Variants in GRHPR observed in about 807,000 individuals in gnomAD.
GRHPR encodes glyoxylate and hydroxypyruvate reductase, also known as glyoxylate reductase/hydroxypyruvate reductase.
In GRHPR, 35 loss-of-function variants were observed where a neutral mutation model predicts 36.8. That is an observed-to-expected ratio of 0.95 (90% CI 0.73 to 1.26). GRHPR has a LOEUF of 1.26. Among genes scored for constraint, GRHPR ranks in the 50% most tolerant of loss-of-function variants. The pLI, the probability that GRHPR is intolerant of heterozygous loss-of-function variation, is 0.00. For missense variants in GRHPR, 380 were observed against 435.0 expected, an observed-to-expected ratio of 0.87 and a Z score of 1.12; for synonymous variants, 179 against 181.0, an observed-to-expected ratio of 0.99 and a Z score of 0.09.
intron 5 of GRHPR, chr9:37,429,086 A>G (rs1201107045): frequency 1.0e-5 from 3 of 300,258 alleles, no homozygotes; most frequent in East Asian, 8.4e-5. Flanking sequence ...GCAGCTATCT[A>G]TTGGTGGTTC....
At chr9:37,429,644 G>A (rs1366431114) in intron 5 of GRHPR, 88 bp from the exon 6 acceptor site, 2 of 881,438 alleles carry the variant, frequency 2.3e-6, no homozygotes, top group Admixed American at 3.4e-5. Context: ...AAAAGGGTCT[G>A]CCCTGAGGGC....
chr9:37,425,077 T>G, intron 2 of GRHPR, 102 bp downstream of exon 2: 1 of 1,238,468 alleles, frequency 8.1e-7, no homozygotes, highest in Non-Finnish European at 1.2e-6. Context: ...GTCTGGGTTC[T>G]GAGGGCGTTT....
In GRHPR at chr9:37,432,361, T is replaced by C. The variant is rs550901389; in HGVS notation, c.865+223T>C. On this transcript the variant is annotated intron_variant, in intron 8 of 8. Transcript: ENST00000318158. Reference sequence around the variant, plus strand: ...GGTCTCTGTCCCTAAAGGAACAGAATGTAGGTGTGAGTGGATTTGTTTAAA... The same window carrying C: ...GGTCTCTGTCCCTAAAGGAACAGAACGTAGGTGTGAGTGGATTTGTTTAAA... 1.2e-5 allele frequency: 6 copies of C among 517,148 alleles called. No homozygotes were observed. The East Asian group carries it at 2.3e-4, about 20-fold the overall frequency. The allele number at this position is 517,148 out of a possible 1,614,324, so 32.0% of individuals were successfully genotyped here.
rs750047290 is a variant in GRHPR, at chr9:37,436,715, T to C, written c.920T>C (p.Leu307Ser). The stretch of plus-strand genomic sequence containing the variant: ...CACAGAACCCGCAACACCATGTCCT[T>C]GTTGGCAGCTAACAACTTGCTGGCT... ...ATHRTRNTMS[L>S]LAANNLLAGL... is the part of the protein sequence containing the mutation. Residue 307 changes from leucine (L) to serine (S), a missense_variant, in exon 9 of 9, where the codon TTG (leucine) becomes TCG (serine). Coordinates refer to ENST00000318158, the MANE Select transcript of GRHPR (RefSeq NM_012203.2). The C allele has an allele frequency of 6.2e-7, 1 of 1,613,962 alleles. No individual in the cohort carries two copies. The highest frequency in any genetic ancestry group is 1.7e-5 in the Admixed American group (1 of 60,000).
intron 7 of GRHPR, 129 bp from the exon 8 acceptor site, chr9:37,431,879 C>G: frequency 2.2e-6 from 2 of 929,648 alleles, no homozygotes; most frequent in Non-Finnish European, 3.5e-6. Flanking sequence ...TGTAAGTATA[C>G]CTAAGACTTA....
upstream of GRHPR, chr9:37,422,632 C>G (rs1778299275): frequency 4.9e-6 from 4 of 814,818 alleles, no homozygotes; most frequent in Non-Finnish European, 6.2e-6. Flanking sequence ...AGCCACACCC[C>G]CTGCGCACGC....
chr9:37,429,174 G>A, intron 5 of GRHPR: 1 of 257,598 alleles, frequency 3.9e-6, no homozygotes, highest in East Asian at 9.5e-5. Flanking sequence ...GAACAGCCCT[G>A]CCTCTCACTA....
At chr9:37,433,153 G>A (rs1183737414) in intron 8 of GRHPR, among the ~76,000 whole-genome samples, 2 of 152,030 alleles carry the variant, frequency 1.3e-5, no homozygotes, top group East Asian at 1.9e-4. Context: ...CCGTGCCACC[G>A]AAGTCTGAGT....
chr9:37,429,680 G>GACACCA, intron 5 of GRHPR, 52 bp from the exon 6 acceptor site: 1 of 1,170,762 alleles, frequency 8.5e-7, no homozygotes, highest in Non-Finnish European at 1.3e-6. Flanking sequence ...GCTGGGTGGT[G>GACACCA]TCCCTACCCT....
At chr9:37,426,139 G>A in intron 3 of GRHPR, 145 bp downstream of exon 3, 1 of 689,088 alleles carries the variant, frequency 1.5e-6, no homozygotes, top group South Asian at 1.6e-5. Context: ...GTCCACATGT[G>A]CACAGGTCAG....
At position 37,436,903 on chromosome 9, in the gene GRHPR, T is replaced by C. The variant is rs1301608218; in HGVS notation, c.*121T>C. ...AAGGTGTGATTCTCTGAGGAAAGAG[T>C]GATTCTGATATATGTACTTGTCACA... On this transcript the variant is annotated 3_prime_UTR_variant, in exon 9 of 9. Transcript: ENST00000318158. The C allele has an allele frequency of 1.8e-6, 2 of 1,084,950 alleles. No individual in the cohort carries two copies. The highest frequency in any genetic ancestry group is 2.5e-5 in the South Asian group (2 of 78,912). The allele number at this position is 1,084,950 out of a possible 1,614,324, so 67.2% of individuals were successfully genotyped here. A position where few individuals can be genotyped will look rare whatever the true frequency, so the allele number is the denominator to read the frequency against.
chr9:37,422,708 C>G lies in GRHPR; in HGVS notation c.-43C>G. On this transcript the variant is annotated 5_prime_UTR_variant, in exon 1 of 9. Coordinates refer to ENST00000318158, the MANE Select transcript of GRHPR (RefSeq NM_012203.2). ...CCCCGGCCCAGCTACATTCCCGGGC[C>G]AGCTTCTGTACTGCCAGGTCCGGGT... The G allele has an allele frequency of 1.4e-6, 2 of 1,453,138 alleles. No individual in the cohort carries two copies. Among genetic ancestry groups the G allele is most frequent in the Non-Finnish European group, 1.9e-6 (2 of 1,057,192 alleles). The allele number at this position is 1,453,138 out of a possible 1,614,324, so 90.0% of individuals were successfully genotyped here. A position where few individuals can be genotyped will look rare whatever the true frequency, so the allele number is the denominator to read the frequency against.
At position 37,436,887 on chromosome 9, in the gene GRHPR, TTC is replaced by T; in HGVS notation, c.*109_*110del. On this transcript the variant is annotated 3_prime_UTR_variant, in exon 9 of 9. Coordinates refer to ENST00000318158, the MANE Select transcript of GRHPR (RefSeq NM_012203.2). Reference sequence around the variant, plus strand: ...CAGGCAGAGCCAAGGGAAGGTGTGATTCTCTGAGGAAAGAGTGATTCTGATAT... The same window carrying T: ...CAGGCAGAGCCAAGGGAAGGTGTGATTCTGAGGAAAGAGTGATTCTGATAT... The T allele has an allele frequency of 2.4e-6, 3 of 1,256,188 alleles. No homozygotes were observed. Among genetic ancestry groups the T allele is most frequent in the Non-Finnish European group, 3.5e-6 (3 of 856,558 alleles). 77.8% of individuals were successfully genotyped at this position (1,256,188 alleles called of 1,614,324 possible).
In GRHPR at chr9:37,436,900, G is replaced by A. The variant is rs115124458; in HGVS notation, c.*118G>A. ...GGGAAGGTGTGATTCTCTGAGGAAA[G>A]AGTGATTCTGATATATGTACTTGTC... On this transcript the variant is annotated 3_prime_UTR_variant, in exon 9 of 9. Transcript: ENST00000318158. The A allele has an allele frequency of 2.3e-4, 251 of 1,107,310 alleles. No individual in the cohort carries two copies. The African/African-American group carries it at 3.1e-3, about 14-fold the overall frequency. 68.6% of individuals were successfully genotyped at this position (1,107,310 alleles called of 1,614,324 possible). A position where few individuals can be genotyped will look rare whatever the true frequency, so the allele number is the denominator to read the frequency against.
chr9:37,428,577 G>A lies in GRHPR; in HGVS notation c.493+5G>A. 1 of 1,584,144 alleles carries A rather than the reference G, an allele frequency of 6.3e-7. No homozygotes were observed. Among genetic ancestry groups the A allele is most frequent in the Non-Finnish European group, 8.6e-7 (1 of 1,157,772 alleles). ...TCATCGGGCTGGGGCGCATAGGTGA[G>A]GCTCCCACCGGCCCGCTTGCCCGCC... On this transcript the variant is annotated splice_donor_5th_base_variant and intron_variant, in intron 5 of 8. Coordinates refer to ENST00000318158, the MANE Select transcript of GRHPR (RefSeq NM_012203.2).
At chr9:37,431,710 T>C in intron 7 of GRHPR, 1 of 366,338 alleles carries the variant, frequency 2.7e-6, no homozygotes, top group Non-Finnish European at 5.3e-6. Flanking sequence ...CCTCCCAACA[T>C]GCCTGGGAGT....
chr9:37,434,750 C>G (rs867841410), intron 8 of GRHPR: 3 of 153,258 alleles, frequency 2.0e-5, no homozygotes, highest in Non-Finnish European at 4.4e-5. Context: ...GGCCTCTTGA[C>G]ATATACGCTA....
At chr9:37,429,102 C>T (rs1212746934) in intron 5 of GRHPR, 1 of 289,408 alleles carries the variant, frequency 3.5e-6, no homozygotes, top group Non-Finnish European at 6.8e-6. Flanking sequence ...GGTTCTCTGT[C>T]ATCCTGCCTG....
intron 7 of GRHPR, 65 bp downstream of exon 7, chr9:37,430,711 G>C: frequency 6.7e-7 from 1 of 1,493,684 alleles, no homozygotes; most frequent in Non-Finnish European, 9.3e-7. Context: ...GCCATCTGGA[G>C]ATTTTCTTCC....
Sources: allele counts gnomAD v4.1 joint callset (sites outside exome capture counted in the v4.1 genomes callset), GRCh38; gene constraint gnomAD v4.1.1; transcripts MANE v1.5; gene names NCBI Gene and HGNC (gene_info 2026-07-23, HGNC 2026-07-21).